The following VAPA variants were observed in gnomAD, a reference collection of about 807,000 sequenced individuals.
VAPA encodes vesicle-associated membrane protein-associated protein A.
Under a neutral mutation model 25.6 loss-of-function variants are expected in VAPA, and 6 were observed. The observed-to-expected ratio is 0.23, with a 90% CI of 0.13 to 0.46. VAPA has a LOEUF of 0.46. VAPA is among the 20% of genes least tolerant of loss of function. The pLI, the probability that VAPA is intolerant of heterozygous loss-of-function variation, is 0.99. For synonymous variants in VAPA, 112 were observed against 106.2 expected (o/e 1.05, Z -0.34); for missense variants, 244 against 302.1 (o/e 0.81, Z 1.43).
intron 5 of VAPA, 134 bp downstream of exon 5, chr18:9,950,702 C>T (rs533087029): frequency 6.2e-6 from 5 of 811,042 alleles, no homozygotes; most frequent in African/African-American, 1.7e-5. Context: ...AGTGCCTTTG[C>T]TCCCCACCCT....
rs137869000 is a variant in VAPA at position 9,919,988 on chromosome 18, T to A, written c.79+5653T>A. On this transcript the variant is annotated intron_variant, in intron 1 of 5. Transcript: ENST00000400000. ...AGGTTGAATCTGTGAGACTTGGTGG[T>A]CTCTATGTGCACTGAGAGAAAAGGG... is the stretch of plus-strand genomic sequence containing the variant. Among the ~76,000 whole-genome samples, 6 of 152,196 alleles carry A rather than the reference T, an allele frequency of 3.9e-5. No individual in the cohort carries two copies. In the East Asian group the frequency reaches 1.2e-3, roughly 29 times the overall value.
intron 4 of VAPA, among the ~76,000 whole-genome samples, chr18:9,944,321 A>C (rs185496993): frequency 6.6e-6 from 1 of 152,280 alleles, no homozygotes; most frequent in East Asian, 1.9e-4. Context: ...GGTATCAGTA[A>C]GTATAATTAG....
intron 2 of VAPA, among the ~76,000 whole-genome samples, chr18:9,935,134 T>C (rs563582422): frequency 5.3e-5 from 8 of 151,974 alleles, no homozygotes; most frequent in African/African-American, 1.9e-4. Flanking sequence ...TTGAATGTTA[T>C]TGAGACTGTA....
At chr18:9,932,875 G>A (rs1363935343) in intron 2 of VAPA, among the ~76,000 whole-genome samples, 2 of 152,096 alleles carry the variant, frequency 1.3e-5, no homozygotes, top group African/African-American at 2.4e-5. Context: ...TTGGGAGGCC[G>A]AGGCGGGTGG....
rs538563077 is a variant in VAPA, at chr18:9,956,084, G to T, written c.*1873G>T. The T allele has an allele frequency of 6.6e-6, 1 of 152,062 alleles. No homozygotes were observed. The highest frequency in any genetic ancestry group is 2.1e-4 in the South Asian group (1 of 4,816). 9.4% of individuals were successfully genotyped at this position (152,062 alleles called of 1,614,324 possible). A position where few individuals can be genotyped will look rare whatever the true frequency, so the allele number is the denominator to read the frequency against. ...AAGAAATTAAGTTCTTGAAAATTTA[G>T]CCAAATCCCGTTTTATGGGAATGCT... On this transcript the variant is annotated 3_prime_UTR_variant, in exon 6 of 6. Coordinates refer to ENST00000400000, the MANE Select transcript of VAPA (RefSeq NM_194434.3).
chr18:9,925,951 C>G (rs2069197040), intron 1 of VAPA, among the ~76,000 whole-genome samples: 1 of 152,060 alleles, frequency 6.6e-6, no homozygotes, highest in African/African-American at 2.4e-5. Flanking sequence ...TATGAGAGTT[C>G]AGGCCCTAGA....
chr18:9,936,638 C>G (rs1476942254), intron 3 of VAPA: 1 of 234,856 alleles, frequency 4.3e-6, no homozygotes, highest in African/African-American at 2.3e-5. Context: ...TCCCAGCTAC[C>G]CAGGAGGCAT....
intron 2 of VAPA, among the ~76,000 whole-genome samples, chr18:9,934,769 C>A (rs187618078): frequency 3.1e-4 from 47 of 152,236 alleles, no homozygotes; most frequent in East Asian, 5.8e-4. Context: ...GCATGACTTA[C>A]AACCACATGG....
intron 4 of VAPA, among the ~76,000 whole-genome samples, chr18:9,938,838 C>T (rs903601146): frequency 6.6e-6 from 1 of 152,022 alleles, no homozygotes; most frequent in African/African-American, 2.4e-5. Context: ...TACAGTGAAC[C>T]TCTGTGAACT....
In VAPA at chr18:9,914,416, C is replaced by T. The variant is rs527371666; in HGVS notation, c.79+81C>T. The stretch of plus-strand genomic sequence containing the variant: ...CGGCGGGGGGGCGCGGAGGGCACGT[C>T]CGCGGCCCTGGCCCGAGGGAGCGCC... On this transcript the variant is annotated intron_variant, in intron 1 of 5. Coordinates refer to ENST00000400000, the MANE Select transcript of VAPA (RefSeq NM_194434.3). 94 of 1,336,718 alleles carry T rather than the reference C, an allele frequency of 7.0e-5. 1 individual carries two copies. The highest frequency in any genetic ancestry group is 3.1e-5 in the East Asian group (1 of 32,130). 82.8% of individuals were successfully genotyped at this position (1,336,718 alleles called of 1,614,324 possible).
Position 9,954,142 on chromosome 18 carries a change from T to C in VAPA, c.681T>C (p.Pro227=), listed in dbSNP as rs201961570. ...TASFRDNVTS[P]LPSLLVVIAA... is the part of the protein sequence containing the mutation. ...CCTTCAGAGATAATGTCACCAGTCCTCTTCCTTCACTTCTTGTTGTAATTG... is the reference window on the plus strand; with the variant it reads ...CCTTCAGAGATAATGTCACCAGTCCCCTTCCTTCACTTCTTGTTGTAATTG... Residue 227 remains proline, a synonymous_variant, in exon 6 of 6, where the codon CCT becomes CCC. Coordinates refer to ENST00000400000, the MANE Select transcript of VAPA (RefSeq NM_194434.3). 6.8e-6 allele frequency: 11 copies of C among 1,614,028 alleles called. No individual in the cohort carries two copies. The highest frequency in any genetic ancestry group is 1.7e-5 in the Admixed American group (1 of 60,028).
chr18:9,945,032 A>T lies in VAPA; in HGVS notation c.418-5363A>T, dbSNP rs190173072. ...CACGAAGGATGACCCCAGGGGACTC[A>T]GTGTGTTGAAACAGGAGAAACAGAA... is the stretch of plus-strand genomic sequence containing the variant. On this transcript the variant is annotated intron_variant, in intron 4 of 5. Coordinates refer to ENST00000400000, the MANE Select transcript of VAPA (RefSeq NM_194434.3). 217 of 1,614,202 alleles carry T rather than the reference A, an allele frequency of 1.3e-4. 1 individual carries two copies. Among genetic ancestry groups the T allele is most frequent in the Non-Finnish European group, 1.8e-4 (209 of 1,180,026 alleles).
intron 4 of VAPA, chr18:9,949,769 A>G (rs1290293248): frequency 6.6e-6 from 1 of 152,332 alleles, no homozygotes; most frequent in African/African-American, 2.4e-5. Context: ...ACTAGCTTCA[A>G]ATGGTTCAAT....
At chr18:9,948,038 G>A (rs1003114058) in intron 4 of VAPA, 136 of 152,278 alleles carry the variant, frequency 8.9e-4, no homozygotes, top group African/African-American at 3.1e-3. Flanking sequence ...CTTTTGAAAT[G>A]TGTTTCGGCT....
intron 4 of VAPA, chr18:9,949,077 A>G (rs2069457985): frequency 6.6e-6 from 1 of 152,234 alleles, no homozygotes. Flanking sequence ...AGTTCTAACT[A>G]CTATTAAGGA....
chr18:9,938,220 C>T (rs2069330732), intron 4 of VAPA, among the ~76,000 whole-genome samples: 1 of 152,194 alleles, frequency 6.6e-6, no homozygotes. Context: ...TATTTTCTCA[C>T]TGAGAGTTTT....
rs555392208 is a variant in VAPA at position 9,939,968 on chromosome 18, A to T, written c.417+2902A>T. Among the ~76,000 whole-genome samples the T allele has an allele frequency of 2.2e-3, 329 of 152,328 alleles. 2 individuals are homozygous for T. Among genetic ancestry groups the T allele is most frequent in the Non-Finnish European group, 3.6e-3 (248 of 68,022 alleles). On this transcript the variant is annotated intron_variant, in intron 4 of 5. Transcript: ENST00000400000. ...CTCTGTCATTCCTACTTCATACACTACTTACAATACTTGTGTAAGGAGAAA... is the reference window on the plus strand; with the variant it reads ...CTCTGTCATTCCTACTTCATACACTTCTTACAATACTTGTGTAAGGAGAAA...
At chr18:9,926,310 AC>A (rs1199115745) in intron 1 of VAPA, among the ~76,000 whole-genome samples, 3 of 152,122 alleles carry the variant, frequency 2.0e-5, no homozygotes, top group African/African-American at 7.2e-5. Flanking sequence ...ATTAGCTAAA[AC>A]CTGTTAGAAA....
intron 1 of VAPA, among the ~76,000 whole-genome samples, chr18:9,919,253 CTG>C (rs1367713104): frequency 5.9e-5 from 9 of 152,328 alleles, no homozygotes; most frequent in Admixed American, 2.6e-4. Context: ...TAATTAAAAT[CTG>C]TGTTTCTATT....
Sources: gnomAD v4.1 joint callset for allele counts (sites outside exome capture counted in the v4.1 genomes callset) on GRCh38, gnomAD v4.1.1 for gene constraint, MANE v1.5 for transcripts, NCBI Gene and HGNC (gene_info 2026-07-23, HGNC 2026-07-21) for gene names.